CHODL: variants seen among roughly 807,000 people sequenced by gnomAD.
CHODL encodes chondrolectin.
A neutral mutation model predicts 34.5 loss-of-function variants in CHODL; 29 were observed. The ratio of observed to expected loss-of-function variants is 0.84; its 90% CI spans 0.63 to 1.15. CHODL has a LOEUF of 1.15. Ranked by LOEUF, CHODL falls within the 50% of genes most tolerant of loss-of-function variation. The probability of loss-of-function intolerance (pLI) is 0.00; values close to 1 mark genes in which losing one functional copy is unlikely to be tolerated. For synonymous variants in CHODL, 125 were observed against 116.1 expected (o/e 1.08, Z -0.49); for missense variants, 332 against 332.5 (o/e 1.00, Z 0.01).
rs115801955 is a variant in CHODL, at chr21:18,237,935, A to G, written c.-44-18574A>G. Among the ~76,000 whole-genome samples the G allele has an allele frequency of 6.9e-3, 1,057 of 152,270 alleles. 12 individuals carry two copies. The highest frequency in any genetic ancestry group is 0.024 in the African/African-American group (1,011 of 41,562). On this transcript the variant is annotated intron_variant, in intron 2 of 6. Transcript: ENST00000400127. ...TTAAATAAATACGCCCACAATTTTA[A>G]CAGAATAAGTGCAATATGTGCTCAA...
At chr21:18,174,157 A>ATCTTGGTATATATATATATATATCTTGG in intron 2 of CHODL, among the ~76,000 whole-genome samples, 1 of 88,218 alleles carries the variant, frequency 1.1e-5, no homozygotes, top group Non-Finnish European at 2.6e-5. Context: ...ATATATATAT[A>ATCTTGGTATATATATATATATATCTTGG]TATAAAATCA....
intron 2 of CHODL, among the ~76,000 whole-genome samples, chr21:18,063,655 T>C (rs1735269): frequency 0.36 from 55,417 of 152,214 alleles, 12,347 homozygotes; most frequent in Non-Finnish European, 0.51. Flanking sequence ...TAAAGAATGA[T>C]GAATTAACAA....
chr21:18,122,592 G>T (rs1008737854), intron 2 of CHODL, among the ~76,000 whole-genome samples: 2 of 152,026 alleles, frequency 1.3e-5, no homozygotes, highest in Non-Finnish European at 2.9e-5. Context: ...ATGCCAGAGA[G>T]CCCTACCACA....
At chr21:18,026,732 A>C (rs2064179588) in intron 1 of CHODL, among the ~76,000 whole-genome samples, 1 of 152,188 alleles carries the variant, frequency 6.6e-6, no homozygotes, top group African/African-American at 2.4e-5. Context: ...AAGATGTTTA[A>C]TACACATGCA....
intron 2 of CHODL, among the ~76,000 whole-genome samples, chr21:18,032,974 C>T (rs971763641): frequency 1.3e-5 from 2 of 152,022 alleles, no homozygotes; most frequent in African/African-American, 4.8e-5. Context: ...AATTCTTGTT[C>T]TCATAAGCTT....
At chr21:18,037,585 T>C (rs1164621123) in intron 2 of CHODL, among the ~76,000 whole-genome samples, 1 of 151,658 alleles carries the variant, frequency 6.6e-6, no homozygotes, top group Non-Finnish European at 1.5e-5. Flanking sequence ...TAATGAGAAG[T>C]GTTAAGTGTG....
At chr21:18,150,508 GT>G (rs1481065665) in intron 2 of CHODL, among the ~76,000 whole-genome samples, 1 of 152,108 alleles carries the variant, frequency 6.6e-6, no homozygotes, top group Non-Finnish European at 1.5e-5. Flanking sequence ...TCACGATTGG[GT>G]TCTGCTGATG....
chr21:18,003,407 TA>T (rs2063929731), intron 1 of CHODL, among the ~76,000 whole-genome samples: 2 of 149,172 alleles, frequency 1.3e-5, no homozygotes, highest in South Asian at 2.1e-4. Flanking sequence ...TTATTAATTA[TA>T]AAAATTAATA....
intron 1 of CHODL, among the ~76,000 whole-genome samples, chr21:17,991,177 A>G (rs73194557): frequency 0.14 from 20,737 of 152,080 alleles, 1,615 homozygotes; most frequent in Middle Eastern, 0.26. Flanking sequence ...TTGTGTATAT[A>G]TATCACATTT....
intron 2 of CHODL, among the ~76,000 whole-genome samples, chr21:18,070,257 G>A (rs946143419): frequency 2.0e-5 from 3 of 151,632 alleles, no homozygotes; most frequent in East Asian, 1.9e-4. Context: ...AGTTCTCCTT[G>A]TGTTAATTTT....
chr21:18,069,022 A>G (rs563387228), intron 2 of CHODL, among the ~76,000 whole-genome samples: 15 of 151,984 alleles, frequency 9.9e-5, no homozygotes, highest in Admixed American at 9.8e-4. Context: ...CAACACATTC[A>G]GTAAGTTGTG....
chr21:17,946,508 T>C (rs925264327), intron 1 of CHODL, among the ~76,000 whole-genome samples: 2 of 152,226 alleles, frequency 1.3e-5, no homozygotes, highest in Non-Finnish European at 2.9e-5. Context: ...AAAGAGGTAT[T>C]GAAGTCCCCT....
chr21:18,248,073 C>CA (rs1235303304), intron 1 of CHODL, among the ~76,000 whole-genome samples: 2 of 150,818 alleles, frequency 1.3e-5, no homozygotes, highest in Non-Finnish European at 3.0e-5. Flanking sequence ...ATTTTTGCTG[C>CA]AAAATGACAT....
intron 2 of CHODL, among the ~76,000 whole-genome samples, chr21:18,176,211 G>T (rs2073309627): frequency 6.6e-6 from 1 of 152,130 alleles, no homozygotes; most frequent in African/African-American, 2.4e-5. Context: ...AGAAGAATTG[G>T]CAAAGAAATA....
intron 1 of CHODL, among the ~76,000 whole-genome samples, chr21:17,969,249 T>C (rs531969000): frequency 2.6e-5 from 4 of 152,326 alleles, no homozygotes; most frequent in African/African-American, 9.6e-5. Context: ...ATTATAGCCA[T>C]ATGGCATTTT....
At chr21:18,130,778 T>C (rs559850231) in intron 2 of CHODL, among the ~76,000 whole-genome samples, 23 of 152,236 alleles carry the variant, frequency 1.5e-4, no homozygotes, top group Non-Finnish European at 2.9e-4. Flanking sequence ...TCGATAGATA[T>C]GTCATGGTTT....
intron 5 of CHODL, among the ~76,000 whole-genome samples, chr21:18,265,036 T>C (rs1165984034): frequency 6.6e-6 from 1 of 151,946 alleles, no homozygotes; most frequent in African/African-American, 2.4e-5. Context: ...ATTTCCAAAA[T>C]AATTGATCAA....
intron 2 of CHODL, among the ~76,000 whole-genome samples, chr21:18,041,230 CA>C (rs2064372096): frequency 1.3e-5 from 2 of 151,886 alleles, no homozygotes; most frequent in Non-Finnish European, 2.9e-5. Context: ...TATCCACACT[CA>C]AAAGGATGGC....
chr21:18,021,966 G>C (rs1281213325), intron 1 of CHODL, among the ~76,000 whole-genome samples: 3 of 152,124 alleles, frequency 2.0e-5, no homozygotes, highest in Non-Finnish European at 4.4e-5. Flanking sequence ...TGAGGCCTTT[G>C]GGAGGCAATT....
Sources: gnomAD v4.1 joint callset for allele counts (sites outside exome capture counted in the v4.1 genomes callset) on GRCh38, gnomAD v4.1.1 for gene constraint, MANE v1.5 for transcripts, NCBI Gene and HGNC (gene_info 2026-07-23, HGNC 2026-07-21) for gene names.